NEGR1: variants seen among roughly 807,000 people sequenced by gnomAD.
The protein encoded by NEGR1 is IgLON family member 4.
NEGR1 carries 10 observed loss-of-function variants against 40.9 expected under a neutral mutation model. The ratio of observed to expected loss-of-function variants is 0.24; its 90% CI spans 0.15 to 0.42. The LOEUF is 0.42. Ranked by LOEUF, NEGR1 falls within the 10% of genes least tolerant of loss-of-function variation. NEGR1 has a pLI of 1.00. For missense variants in NEGR1, 352 were observed against 438.9 expected, an observed-to-expected ratio of 0.80 and a Z score of 1.77; for synonymous variants, 185 against 166.8, an observed-to-expected ratio of 1.11 and a Z score of -0.84.
intron 1 of NEGR1, among the ~76,000 whole-genome samples, chr1:72,170,003 G>T (rs1027514714): frequency 6.6e-6 from 1 of 152,048 alleles, no homozygotes; most frequent in African/African-American, 2.4e-5. Flanking sequence ...TTTAAATCTA[G>T]ATTTCCTTAC....
At chr1:72,120,993 G>A (rs1183002054) in intron 1 of NEGR1, among the ~76,000 whole-genome samples, 2 of 152,034 alleles carry the variant, frequency 1.3e-5, no homozygotes, top group African/African-American at 2.4e-5. Context: ...TACAACAAAT[G>A]TTTGCACTTT....
At chr1:72,076,817 G>C (rs537405512) in intron 1 of NEGR1, among the ~76,000 whole-genome samples, 10 of 151,564 alleles carry the variant, frequency 6.6e-5, no homozygotes, top group Admixed American at 2.0e-4. Context: ...TTGTCAATGG[G>C]AGGAAAGCAA....
At chr1:71,459,975 G>A (rs1446587330) in intron 6 of NEGR1, among the ~76,000 whole-genome samples, 1 of 152,060 alleles carries the variant, frequency 6.6e-6, no homozygotes, top group African/African-American at 2.4e-5. Flanking sequence ...TGCAATTTAT[G>A]TTCATTTGTA....
At chr1:72,047,257 G>C (rs1647011186) in intron 1 of NEGR1, among the ~76,000 whole-genome samples, 1 of 151,092 alleles carries the variant, frequency 6.6e-6, no homozygotes, top group African/African-American at 2.4e-5. Flanking sequence ...GTGATCCAAA[G>C]TTAAATCCCT....
Position 71,780,911 on chromosome 1 carries a change from G to A in NEGR1, c.410-4614C>T, listed in dbSNP as rs569408001. Among the ~76,000 whole-genome samples the A allele has an allele frequency of 2.6e-5, 4 of 152,262 alleles. No homozygotes were observed. In the East Asian group the frequency reaches 5.8e-4, roughly 22 times the overall value. ...GTGGGTGTCTTCAGGCCAGGTATGA[G>A]TCACTTTCAGTAAGAAAAATCTTAG... On this transcript the variant is annotated intron_variant, in intron 2 of 6. Transcript: ENST00000357731.
intron 1 of NEGR1, among the ~76,000 whole-genome samples, chr1:72,203,209 A>T (rs1343289963): frequency 1.3e-5 from 2 of 152,122 alleles, no homozygotes; most frequent in African/African-American, 4.8e-5. Flanking sequence ...AGTAAAGGAA[A>T]TTGAAAACTT....
At chr1:72,167,386 A>T (rs1167903871) in intron 1 of NEGR1, among the ~76,000 whole-genome samples, 1 of 152,076 alleles carries the variant, frequency 6.6e-6, no homozygotes, top group East Asian at 1.9e-4. Flanking sequence ...AAATTTAAAT[A>T]ACTGAATTAT....
intron 2 of NEGR1, among the ~76,000 whole-genome samples, chr1:71,808,268 A>G (rs1657853529): frequency 6.6e-6 from 1 of 152,210 alleles, no homozygotes; most frequent in African/African-American, 2.4e-5. Context: ...AACTTTATGA[A>G]TTTCACTATC....
intron 1 of NEGR1, among the ~76,000 whole-genome samples, chr1:72,191,025 GTTTTTT>G (rs572395328): frequency 6.7e-6 from 1 of 150,124 alleles, no homozygotes; most frequent in Non-Finnish European, 1.5e-5. Flanking sequence ...TAATTTTATA[GTTTTTT>G]TTTATGTTGG....
intron 6 of NEGR1, among the ~76,000 whole-genome samples, chr1:71,410,104 A>G (rs1646309064): frequency 6.6e-6 from 1 of 152,090 alleles, no homozygotes; most frequent in South Asian, 2.1e-4. Flanking sequence ...ATTACTTTAC[A>G]ATTAAAATAG....
intron 4 of NEGR1, among the ~76,000 whole-genome samples, chr1:71,672,186 T>C (rs74943091): frequency 0.043 from 6,609 of 152,244 alleles, 465 homozygotes; most frequent in African/African-American, 0.15. Context: ...ATTTAATACC[T>C]TGCTGTTGAG....
chr1:71,541,845 C>G (rs1647714768), intron 6 of NEGR1, among the ~76,000 whole-genome samples: 1 of 151,706 alleles, frequency 6.6e-6, no homozygotes, highest in Non-Finnish European at 1.5e-5. Flanking sequence ...TGAAGGGTGA[C>G]CAGGGAGGCT....
chr1:72,013,453 C>G (rs374754851), intron 1 of NEGR1, among the ~76,000 whole-genome samples: 1 of 152,118 alleles, frequency 6.6e-6, no homozygotes, highest in Non-Finnish European at 1.5e-5. Context: ...TAACTTCAAA[C>G]ATATTAGGGG....
intron 4 of NEGR1, among the ~76,000 whole-genome samples, chr1:71,691,261 G>A (rs991073996): frequency 2.0e-4 from 31 of 151,864 alleles, no homozygotes; most frequent in Non-Finnish European, 4.1e-4. Context: ...CTTCAACTGA[G>A]GGATTATAGA....
chr1:71,416,114 G>A (rs918570259), intron 6 of NEGR1, among the ~76,000 whole-genome samples: 1 of 152,196 alleles, frequency 6.6e-6, no homozygotes, highest in Non-Finnish European at 1.5e-5. Context: ...AATAGTCACT[G>A]CCATCAGCTG....
chr1:71,444,648 C>T (rs1345407713), intron 6 of NEGR1, among the ~76,000 whole-genome samples: 1 of 152,072 alleles, frequency 6.6e-6, no homozygotes, highest in Non-Finnish European at 1.5e-5. Flanking sequence ...GCTACTGCTG[C>T]AAAGTTAAAT....
At chr1:71,459,842 T>C (rs1166552533) in intron 6 of NEGR1, among the ~76,000 whole-genome samples, 1 of 152,228 alleles carries the variant, frequency 6.6e-6, no homozygotes, top group Non-Finnish European at 1.5e-5. Context: ...GATTTCCTTA[T>C]CCTTTGAATA....
At chr1:72,254,442 C>T (rs1308198423) in intron 1 of NEGR1, among the ~76,000 whole-genome samples, 3 of 152,104 alleles carry the variant, frequency 2.0e-5, no homozygotes, top group Non-Finnish European at 2.9e-5. Flanking sequence ...GTGGCTCACG[C>T]CTGTGATCCC....
chr1:71,880,789 T>C (rs550402748), intron 2 of NEGR1, among the ~76,000 whole-genome samples: 128 of 152,042 alleles, frequency 8.4e-4, no homozygotes, highest in Non-Finnish European at 1.5e-3. Flanking sequence ...TCTATGCTTA[T>C]AGCTATGAGC....
Sources: allele counts gnomAD v4.1 joint callset (sites outside exome capture counted in the v4.1 genomes callset), GRCh38; gene constraint gnomAD v4.1.1; transcripts MANE v1.5; gene names NCBI Gene and HGNC (gene_info 2026-07-23, HGNC 2026-07-21).